BIN3: variants seen among roughly 807,000 people sequenced by gnomAD.
The protein encoded by BIN3 is bridging integrator 3.
A neutral mutation model predicts 38.2 loss-of-function variants in BIN3; 41 were observed. That is an observed-to-expected ratio of 1.07 (90% CI 0.84 to 1.39). The LOEUF is 1.39. BIN3 is among the 40% of genes most tolerant of loss of function. The pLI, the probability that BIN3 is intolerant of heterozygous loss-of-function variation, is 0.00. For synonymous variants in BIN3, 145 were observed against 122.6 expected (o/e 1.18, Z -1.21); for missense variants, 361 against 324.3 (o/e 1.11, Z -0.87).
At position 22,643,621 on chromosome 8, in the gene BIN3, CT is replaced by C. The variant is rs773300693; in HGVS notation, c.57+1133del. 1.1e-4 allele frequency among the ~76,000 whole-genome samples: 17 copies of C among 152,364 alleles called. No individual in the cohort carries two copies. In the Middle Eastern group the frequency reaches 0.01, roughly 91 times the overall value. ...CTGGACCCTGTGAGGGTGCTTTTAA[CT>C]TGGGCCTGTTTCCTCTCAAGTGACC... On this transcript the variant is annotated intron_variant, in intron 2 of 8. Coordinates refer to ENST00000276416, the MANE Select transcript of BIN3 (RefSeq NM_018688.6).
intron 1 of BIN3, among the ~76,000 whole-genome samples, chr8:22,666,394 G>C (rs1298270932): frequency 1.4e-5 from 2 of 138,698 alleles, no homozygotes; most frequent in African/African-American, 2.6e-5. Flanking sequence ...GGGGCAAATG[G>C]CGGGGGGAGG....
chr8:22,667,781 C>G (rs1803470739), intron 1 of BIN3, among the ~76,000 whole-genome samples: 2 of 152,256 alleles, frequency 1.3e-5, no homozygotes, highest in Admixed American at 1.3e-4. Context: ...CGGTGATTGT[C>G]TGACATTTGT....
intron 1 of BIN3, among the ~76,000 whole-genome samples, chr8:22,662,427 T>C (rs1353510373): frequency 6.6e-6 from 1 of 152,254 alleles, no homozygotes; most frequent in African/African-American, 2.4e-5. Context: ...GGACCAAACA[T>C]CTTTACATGA....
At chr8:22,641,350 G>C (rs2117549209) in intron 2 of BIN3, among the ~76,000 whole-genome samples, 1 of 152,290 alleles carries the variant, frequency 6.6e-6, no homozygotes, top group African/African-American at 2.4e-5. Context: ...AAAGGGTTTT[G>C]CTGTTCCCTG....
At chr8:22,653,208 TC>T (rs1802954398) in intron 1 of BIN3, among the ~76,000 whole-genome samples, 2 of 152,334 alleles carry the variant, frequency 1.3e-5, no homozygotes, top group Non-Finnish European at 2.9e-5. Context: ...GTTATGTTTT[TC>T]ATGTTAAATC....
chr8:22,639,826 T>C (rs1312030148), intron 2 of BIN3, among the ~76,000 whole-genome samples: 3 of 152,088 alleles, frequency 2.0e-5, no homozygotes, highest in Non-Finnish European at 4.4e-5. Flanking sequence ...TGCTTGGGTG[T>C]TGTGATAATG....
chr8:22,654,258 A>C (rs1802989832), intron 1 of BIN3, among the ~76,000 whole-genome samples: 2 of 152,200 alleles, frequency 1.3e-5, no homozygotes, highest in Non-Finnish European at 2.9e-5. Flanking sequence ...AAACTGCTTT[A>C]CTGTGCTTTT....
chr8:22,652,688 T>C (rs1320601086), intron 1 of BIN3, among the ~76,000 whole-genome samples: 1 of 152,146 alleles, frequency 6.6e-6, no homozygotes, highest in Non-Finnish European at 1.5e-5. Context: ...ATTACAAATA[T>C]ACAAATAGGC....
At chr8:22,650,762 A>G (rs1298740281) in intron 1 of BIN3, among the ~76,000 whole-genome samples, 2 of 152,244 alleles carry the variant, frequency 1.3e-5, no homozygotes, top group Non-Finnish European at 2.9e-5. Flanking sequence ...TAGGCACTAA[A>G]AATCTACTTT....
chr8:22,622,324 T>G (rs556329617), intron 8 of BIN3, among the ~76,000 whole-genome samples: 87 of 152,296 alleles, frequency 5.7e-4, no homozygotes, highest in Non-Finnish European at 1.0e-3. Context: ...ACTCTAGACA[T>G]GAGGAGGAGC....
At chr8:22,641,499 G>C (rs1802558645) in intron 2 of BIN3, among the ~76,000 whole-genome samples, 1 of 152,218 alleles carries the variant, frequency 6.6e-6, no homozygotes, top group Non-Finnish European at 1.5e-5. Flanking sequence ...CTGGGGCACT[G>C]ATCCCAGGGC....
At chr8:22,659,169 C>T (rs1327594597) in intron 1 of BIN3, among the ~76,000 whole-genome samples, 1 of 152,222 alleles carries the variant, frequency 6.6e-6, no homozygotes, top group Non-Finnish European at 1.5e-5. Context: ...GCCACAATGC[C>T]AAAGGCCAAG....
chr8:22,667,200 A>G (rs2117610148), intron 1 of BIN3, among the ~76,000 whole-genome samples: 1 of 152,314 alleles, frequency 6.6e-6, no homozygotes, highest in South Asian at 2.1e-4. Context: ...TGTACTGGTA[A>G]ATTAAAGCTA....
Position 22,636,544 on chromosome 8 carries a change from C to A in BIN3, c.141G>T (p.Lys47Asn). ...QTRRLQKDMK[K>N]STDADLAMSK... ...ACCTACCCAGGTCTGCGTCGGTGCTCTTCTTCATGTCTTTCTGCAGCCTCC... is the reference window on the plus strand; with the variant it reads ...ACCTACCCAGGTCTGCGTCGGTGCTATTCTTCATGTCTTTCTGCAGCCTCC... Residue 47 changes from lysine to asparagine, a missense_variant, in exon 4 of 9, where the codon AAG becomes AAT. Transcript: ENST00000276416. The A allele has an allele frequency of 6.4e-7, 1 of 1,552,894 alleles. No homozygotes were observed. Among genetic ancestry groups the A allele is most frequent in the South Asian group, 1.2e-5 (1 of 84,116 alleles).
chr8:22,644,900 C>A, intron 1 of BIN3, 97 bp from the exon 2 acceptor site: 1 of 1,112,586 alleles, frequency 9.0e-7, no homozygotes, highest in Non-Finnish European at 1.3e-6. Flanking sequence ...CCCAGGAGGG[C>A]GAGGAAGCGT....
intron 4 of BIN3, 47 bp downstream of exon 4, chr8:22,636,478 T>A (rs1478635569): frequency 1.3e-6 from 2 of 1,544,222 alleles, no homozygotes; most frequent in Non-Finnish European, 1.8e-6. Context: ...GGTGCCCACC[T>A]CTGCCCCACC....
At chr8:22,662,372 C>T (rs1056471620) in intron 1 of BIN3, among the ~76,000 whole-genome samples, 6 of 152,268 alleles carry the variant, frequency 3.9e-5, no homozygotes, top group African/African-American at 1.2e-4. Flanking sequence ...GGCTGTGAAA[C>T]AGCATCTCAT....
chr8:22,656,073 C>T (rs775350051), intron 1 of BIN3, among the ~76,000 whole-genome samples: 2 of 152,090 alleles, frequency 1.3e-5, no homozygotes, highest in African/African-American at 2.4e-5. Flanking sequence ...TGTGCTCTCA[C>T]CCCCACACCT....
intron 1 of BIN3, among the ~76,000 whole-genome samples, chr8:22,650,605 G>A (rs1240911338): frequency 6.6e-6 from 1 of 152,132 alleles, no homozygotes; most frequent in Admixed American, 6.5e-5. Context: ...AAGGCAACAA[G>A]ATTTCTTAAG....
Sources: gnomAD v4.1 joint callset for allele counts (sites outside exome capture counted in the v4.1 genomes callset) on GRCh38, gnomAD v4.1.1 for gene constraint, MANE v1.5 for transcripts, NCBI Gene and HGNC (gene_info 2026-07-23, HGNC 2026-07-21) for gene names.